The following NUDT3 variants were observed in gnomAD, a reference collection of about 807,000 sequenced individuals.
The protein encoded by NUDT3 is diphosphoinositol polyphosphate phosphohydrolase 1.
A neutral mutation model predicts 23.6 loss-of-function variants in NUDT3; 9 were observed. The ratio of observed to expected loss-of-function variants is 0.38; its 90% CI spans 0.23 to 0.66. The LOEUF (loss-of-function observed/expected upper bound fraction) is 0.66. NUDT3 is among the 30% of genes least tolerant of loss of function. The pLI, the probability that NUDT3 is intolerant of heterozygous loss-of-function variation, is 0.52. For synonymous variants in NUDT3, 86 were observed against 82.6 expected (o/e 1.04, Z -0.22); for missense variants, 172 against 218.5 (o/e 0.79, Z 1.34).
intron 4 of NUDT3, 64 bp downstream of exon 4, chr6:34,293,387 G>C (rs1278917683): frequency 6.3e-7 from 1 of 1,593,522 alleles, no homozygotes; most frequent in East Asian, 2.2e-5. Context: ...TTCTGGTCAT[G>C]ACCTGTGGCA....
At chr6:34,340,677 G>T (rs992316476) in intron 2 of NUDT3, among the ~76,000 whole-genome samples, 9 of 152,240 alleles carry the variant, frequency 5.9e-5, no homozygotes, top group African/African-American at 2.2e-4. Context: ...TTTCCATTTA[G>T]GGTATTTCTT....
At position 34,334,197 on chromosome 6, in the gene NUDT3, G is replaced by T. The variant is rs138376285; in HGVS notation, c.210+7665C>A. 3.4e-3 allele frequency among the ~76,000 whole-genome samples: 517 copies of T among 152,314 alleles called. 5 individuals are homozygous for T. The highest frequency in any genetic ancestry group is 0.012 in the African/African-American group (486 of 41,556). The stretch of plus-strand genomic sequence containing the variant: ...TCATGTTCTTCCTCACTTAACTGAG[G>T]CATTTGGAGAGTATGTCTATTTCTG... On this transcript the variant is annotated intron_variant, in intron 2 of 4. Coordinates refer to ENST00000607016, the MANE Select transcript of NUDT3 (RefSeq NM_006703.4).
intron 2 of NUDT3, among the ~76,000 whole-genome samples, chr6:34,300,467 G>C (rs1385910690): frequency 6.6e-6 from 1 of 152,222 alleles, no homozygotes; most frequent in Non-Finnish European, 1.5e-5. Context: ...CCTCTGCAGG[G>C]ACTAGTTCAG....
chr6:34,304,562 G>C (rs896027555), intron 2 of NUDT3, among the ~76,000 whole-genome samples: 7 of 151,884 alleles, frequency 4.6e-5, no homozygotes, highest in Non-Finnish European at 7.4e-5. Context: ...AATTAATCTA[G>C]TCTGATCTTG....
intron 1 of NUDT3, among the ~76,000 whole-genome samples, chr6:34,375,342 T>C (rs1469814129): frequency 2.0e-5 from 3 of 151,796 alleles, no homozygotes; most frequent in Non-Finnish European, 2.9e-5. Context: ...AGACTCTGTA[T>C]CAAAAAAAAA....
intron 2 of NUDT3, among the ~76,000 whole-genome samples, chr6:34,304,135 C>A (rs1309062037): frequency 6.6e-6 from 1 of 151,804 alleles, no homozygotes; most frequent in Non-Finnish European, 1.5e-5. Flanking sequence ...TGCCTGTAAT[C>A]CCAGCTACTC....
At chr6:34,390,285 G>C (rs1039668771) in intron 1 of NUDT3, among the ~76,000 whole-genome samples, 5 of 151,110 alleles carry the variant, frequency 3.3e-5, no homozygotes, top group Non-Finnish European at 5.9e-5. Flanking sequence ...CATAGCAAGA[G>C]TCGGTCTCAA....
At chr6:34,341,780 T>C in intron 2 of NUDT3, 82 bp downstream of exon 2, 2 of 1,247,568 alleles carry the variant, frequency 1.6e-6, no homozygotes, top group Non-Finnish European at 2.3e-6. Context: ...ATTCAGTGAG[T>C]GCTGACATAT....
rs1348007145 is a variant in NUDT3, at chr6:34,284,453, C to T, written c.*4300G>A. On this transcript the variant is annotated 3_prime_UTR_variant, in exon 5 of 5. Transcript: ENST00000607016. ...GATATTAGAGAATATTAAAATCACA[C>T]AGTTGTGGCAAAAATCACATTGTGG... The T allele has an allele frequency of 2.0e-5, 3 of 151,268 alleles. No homozygotes were observed. Among genetic ancestry groups the T allele is most frequent in the Non-Finnish European group, 2.9e-5 (2 of 67,936 alleles). The allele number at this position is 151,268 out of a possible 1,614,324, so 9.4% of individuals were successfully genotyped here. A position where few individuals can be genotyped will look rare whatever the true frequency, so the allele number is the denominator to read the frequency against.
intron 2 of NUDT3, among the ~76,000 whole-genome samples, chr6:34,325,634 A>C (rs972719311): frequency 6.6e-6 from 1 of 152,272 alleles, no homozygotes; most frequent in African/African-American, 2.4e-5. Flanking sequence ...TTAGGTGAAC[A>C]AAGGTTTTCC....
rs1275535572 is a variant in NUDT3, at chr6:34,281,758, C to A, written c.*6995G>T. 1 of 152,168 alleles carries A rather than the reference C, an allele frequency of 6.6e-6. No individual in the cohort carries two copies. The highest frequency in any genetic ancestry group is 1.9e-4 in the East Asian group (1 of 5,200). The allele number at this position is 152,168 out of a possible 1,614,324, so 9.4% of individuals were successfully genotyped here. ...AAGAGTGAGATTCTCAGAGGCTAAA[C>A]AACATTCTGGGAGCAAATTGGATTT... On this transcript the variant is annotated 3_prime_UTR_variant, in exon 5 of 5. Coordinates refer to ENST00000607016, the MANE Select transcript of NUDT3 (RefSeq NM_006703.4).
chr6:34,374,937 G>A (rs751523584), intron 1 of NUDT3, among the ~76,000 whole-genome samples: 4 of 152,054 alleles, frequency 2.6e-5, no homozygotes, highest in Non-Finnish European at 5.9e-5. Context: ...CCCAATCTTG[G>A]GACATCTCTA....
At chr6:34,343,839 T>C (rs1269954201) in intron 1 of NUDT3, among the ~76,000 whole-genome samples, 1 of 152,208 alleles carries the variant, frequency 6.6e-6, no homozygotes, top group African/African-American at 2.4e-5. Flanking sequence ...CTGCAAATTA[T>C]ATATTTAATA....
At chr6:34,338,524 C>T (rs1764243149) in intron 2 of NUDT3, among the ~76,000 whole-genome samples, 1 of 152,170 alleles carries the variant, frequency 6.6e-6, no homozygotes, top group African/African-American at 2.4e-5. Context: ...TTCTGTATCC[C>T]CAATTTGTGG....
rs577276983 is a variant in NUDT3, at chr6:34,388,534, G to A, written c.99+3730C>T. On this transcript the variant is annotated intron_variant, in intron 1 of 4. Coordinates refer to ENST00000607016, the MANE Select transcript of NUDT3 (RefSeq NM_006703.4). ...AGCTAATGCTTCTGGCACATCTACTGAGAACATAAAAGTTCTCCTGGAACT... is the reference window on the plus strand; with the variant it reads ...AGCTAATGCTTCTGGCACATCTACTAAGAACATAAAAGTTCTCCTGGAACT... Among the ~76,000 whole-genome samples, 445 of 152,120 alleles carry A rather than the reference G, an allele frequency of 2.9e-3. 5 individuals are homozygous for A. Among genetic ancestry groups the A allele is most frequent in the Non-Finnish European group, 5.4e-3 (367 of 67,988 alleles).
intron 2 of NUDT3, among the ~76,000 whole-genome samples, chr6:34,320,101 T>C (rs1054559750): frequency 1.3e-5 from 2 of 152,132 alleles, no homozygotes; most frequent in Non-Finnish European, 2.9e-5. Flanking sequence ...TATTTGAAAA[T>C]ACTCTTGAAA....
chr6:34,294,483 A>G (rs1376421402), intron 3 of NUDT3, among the ~76,000 whole-genome samples: 2 of 151,480 alleles, frequency 1.3e-5, no homozygotes, highest in East Asian at 2.0e-4. Flanking sequence ...TTCCAGCACT[A>G]TGGGAGGCCA....
At position 34,355,071 on chromosome 6, in the gene NUDT3, G is replaced by T. The variant is rs117923660; in HGVS notation, c.100-13099C>A. ...GGGGCTTCCAGAATAATGTTGAATA[G>T]AAGTGGTAAGAGCAGACAACCTTAT... is the stretch of plus-strand genomic sequence containing the variant. On this transcript the variant is annotated intron_variant, in intron 1 of 4. Transcript: ENST00000607016. 4.1e-4 allele frequency among the ~76,000 whole-genome samples: 62 copies of T among 152,138 alleles called. No individual in the cohort carries two copies. In the East Asian group the frequency reaches 0.012, roughly 28 times the overall value.
At chr6:34,295,606 C>G in intron 3 of NUDT3, 35 bp downstream of exon 3, 1 of 1,608,062 alleles carries the variant, frequency 6.2e-7, no homozygotes, top group East Asian at 2.2e-5. Context: ...GTTATTAATA[C>G]ATATCATTTG....
Sources: gnomAD v4.1 joint callset for allele counts (sites outside exome capture counted in the v4.1 genomes callset) on GRCh38, gnomAD v4.1.1 for gene constraint, MANE v1.5 for transcripts, NCBI Gene and HGNC (gene_info 2026-07-23, HGNC 2026-07-21) for gene names.